Variants in LST1 observed in about 807,000 individuals in gnomAD.
LST1 encodes the protein leukocyte specific transcript 1.
Under a neutral mutation model 8.5 loss-of-function variants are expected in LST1, and 9 were observed. The observed-to-expected ratio is 1.06, with a 90% confidence interval of 0.64 to 1.85. The LOEUF (loss-of-function observed/expected upper bound fraction) is 1.85. Ranked by LOEUF, LST1 falls within the 40% of genes most tolerant of loss-of-function variation. The pLI, the probability that LST1 is intolerant of heterozygous loss-of-function variation, is 0.00. For missense variants in LST1, 121 were observed against 117.1 expected (o/e 1.03, Z -0.16); for synonymous variants, 53 against 50.4 (o/e 1.05, Z -0.21).
In LST1 at chr6:31,587,926, C is replaced by T; in HGVS notation, c.113-18C>T. The T allele has an allele frequency of 6.2e-7, 1 of 1,609,068 alleles. No homozygotes were observed. Among genetic ancestry groups the T allele is most frequent in the Non-Finnish European group, 8.5e-7 (1 of 1,177,920 alleles). On this transcript the variant is annotated intron_variant, in intron 3 of 4. Transcript: ENST00000438075. ...AGCACAAAGGGTGGGCTGTGTTGAG[C>T]TTCTTCTTTTCTTCCAGTAAAGAGG...
At position 31,587,957 on chromosome 6, in the gene LST1, G is replaced by A. The variant is rs751327924; in HGVS notation, c.126G>A (p.Glu42=). The A allele has an allele frequency of 2.7e-5, 43 of 1,610,358 alleles. No individual in the cohort carries two copies. The highest frequency in any genetic ancestry group is 3.6e-5 in the Non-Finnish European group (43 of 1,178,626). The change falls in exon 4 of 5, where the codon GAG becomes GAA. Residue 42 remains glutamate, a synonymous_variant. Coordinates refer to ENST00000438075, the MANE Select transcript of LST1 (RefSeq NM_205839.3). ...CWLHRRVKRL[E]RSWAQGSSEQ... is the part of the protein sequence containing the mutation. ...CTTTTCTTCCAGTAAAGAGGCTGGA[G>A]AGGAGCTGGGTGAGTCTGGGGACAG...
In LST1 at chr6:31,587,104, G is replaced by A. The variant is rs183600238; in HGVS notation, c.-100-96G>A. The A allele has an allele frequency of 3.0e-4, 191 of 629,196 alleles. 23 individuals carry two copies. The Admixed American group carries it at 4.8e-3, about 16-fold the overall frequency. 39.0% of individuals were successfully genotyped at this position (629,196 alleles called of 1,614,324 possible). On this transcript the variant is annotated intron_variant, in intron 1 of 4. Transcript: ENST00000438075. ...ATGATACCCTATGTTCTGGGGATTA[G>A]CAGTGAGGAATGGAAAGTGCCCAGC... is the stretch of plus-strand genomic sequence containing the variant.
chr6:31,586,756 GC>G, intron 1 of LST1: 1 of 154,992 alleles, frequency 6.5e-6, no homozygotes, highest in Non-Finnish European at 1.4e-5. Context: ...AGCCAAGGGG[GC>G]CCCCACACTC....
Position 31,588,269 on chromosome 6 carries a change from C to T in LST1, c.136-249C>T, listed in dbSNP as rs529870198. ...CTCCAGAACCAGGCACAGTGGCTCACGTCTGTCATTCCAGCTATCGCAAGG... is the reference window on the plus strand; with the variant it reads ...CTCCAGAACCAGGCACAGTGGCTCATGTCTGTCATTCCAGCTATCGCAAGG... On this transcript the variant is annotated intron_variant, in intron 4 of 4. Transcript: ENST00000438075. 9 of 601,790 alleles carry T rather than the reference C, an allele frequency of 1.5e-5. No homozygotes were observed. The Admixed American group carries it at 1.8e-4, about 12-fold the overall frequency. The allele number at this position is 601,790 out of a possible 1,614,324, so 37.3% of individuals were successfully genotyped here. A position where few individuals can be genotyped will look rare whatever the true frequency, so the allele number is the denominator to read the frequency against.
chr6:31,588,076 G>T, intron 4 of LST1, 110 bp downstream of exon 4: 1 of 1,118,204 alleles, frequency 8.9e-7, no homozygotes, highest in Non-Finnish European at 1.3e-6. Context: ...GACAAGGAGA[G>T]AGAAAGTAGG....
chr6:31,587,609 G>C (rs777361524), intron 2 of LST1, 32 bp from the exon 3 acceptor site: 48 of 1,365,248 alleles, frequency 3.5e-5, no homozygotes, highest in Non-Finnish European at 4.9e-5. Context: ...AGAAGGAATG[G>C]GCTTCCTAAC....
chr6:31,588,486 C>A (rs1247813642), intron 4 of LST1, 32 bp from the exon 5 acceptor site: 1 of 1,567,142 alleles, frequency 6.4e-7, no homozygotes, highest in Non-Finnish European at 8.7e-7. Flanking sequence ...GACGGCATCG[C>A]CTCCCATCAG....
intron 2 of LST1, 141 bp from the exon 3 acceptor site, chr6:31,587,500 G>C (rs1030179072): frequency 9.6e-6 from 8 of 833,256 alleles, no homozygotes; most frequent in Non-Finnish European, 1.6e-5. Context: ...ATTAAGGTCT[G>C]GGATGGAGAA....
In LST1 at chr6:31,588,607, A is replaced by G. The variant is rs754321457; in HGVS notation, c.225A>G (p.Arg75=). The G allele has an allele frequency of 1.2e-6, 2 of 1,613,140 alleles. No individual in the cohort carries two copies. The highest frequency in any genetic ancestry group is 1.1e-5 in the South Asian group (1 of 91,088). ...GTGAGGGACCTGACCTCAGGGGCAG[A>G]GACAAGAGAGGCACCAAGGAGGATC... The part of the protein sequence containing the change: ...PSSEGPDLRG[R]DKRGTKEDPR... The change falls in exon 5 of 5, where the codon AGA becomes AGG. Residue 75 remains arginine, a synonymous_variant. Transcript: ENST00000438075.
At chr6:31,588,374 AAG>A (rs9279359) in intron 4 of LST1, 142 bp from the exon 5 acceptor site, 25,961 of 588,184 alleles carry the variant, frequency 0.044, 86 homozygotes, top group African/African-American at 0.061. Context: ...CCAAAGAAAA[AAG>A]AGAGAGAGAG....
chr6:31,588,597 TC>T lies in LST1; in HGVS notation c.216del (p.Arg73GlyfsTer47). ...LPVPSSEGPD[L>X]RGRDKRGTKE... is the part of the protein sequence containing the mutation. ...GTGCCCAGCAGTGAGGGACCTGACC[TC>T]AGGGGCAGAGACAAGAGAGGCACCA... On this transcript the variant is annotated frameshift_variant, in exon 5 of 5. Transcript: ENST00000438075. LOFTEE classifies it low-confidence loss of function (END_TRUNC). The T allele has an allele frequency of 6.2e-7, 1 of 1,613,036 alleles. No individual in the cohort carries two copies. The highest frequency in any genetic ancestry group is 8.5e-7 in the Non-Finnish European group (1 of 1,180,012).
At chr6:31,587,767 AGTGCCCCCT>A (rs751223664) in intron 3 of LST1, 34 bp downstream of exon 3, 69 of 1,504,446 alleles carry the variant, frequency 4.6e-5, no homozygotes, top group Non-Finnish European at 5.5e-5. Context: ...CCCCTGCAGC[AGTGCCCCCT>A]GTGCCCCCAC....
chr6:31,586,353 G>A (rs980824809), intron 1 of LST1, 38 bp downstream of exon 1: 8 of 152,240 alleles, frequency 5.3e-5, no homozygotes, highest in African/African-American at 9.7e-5. Context: ...GTGGAAGGAT[G>A]GTCACACCCC....
chr6:31,586,454 A>G (rs1771941119), intron 1 of LST1, 139 bp downstream of exon 1: 1 of 152,130 alleles, frequency 6.6e-6, no homozygotes. Flanking sequence ...CTGCTCCCCA[A>G]AGAAATTAAA....
intron 3 of LST1, 38 bp downstream of exon 3, chr6:31,587,771 C>T: frequency 2.0e-6 from 3 of 1,475,682 alleles, no homozygotes; most frequent in Non-Finnish European, 2.8e-6. Flanking sequence ...TGCAGCAGTG[C>T]CCCCTGTGCC....
chr6:31,588,393 AGAGAGAGAGG>A (rs1772225678), intron 4 of LST1, 115 bp from the exon 5 acceptor site: 1 of 941,294 alleles, frequency 1.1e-6, no homozygotes, highest in Non-Finnish European at 1.6e-6. Flanking sequence ...AGAGAGAGAG[AGAGAGAGAGG>A]GAGAGAGAGA....
At chr6:31,588,403 G>GAGA (rs1562499302) in intron 4 of LST1, 115 bp from the exon 5 acceptor site, 39 of 541,526 alleles carry the variant, frequency 7.2e-5, no homozygotes, top group Middle Eastern at 5.6e-4. Flanking sequence ...AGAGAGAGAG[G>GAGA]GAGAGAGAGA....
At chr6:31,588,403 G>GAGAGAGAGAGAGAGAGAGAGA in intron 4 of LST1, 115 bp from the exon 5 acceptor site, 1 of 539,868 alleles carries the variant, frequency 1.9e-6, no homozygotes, top group Non-Finnish European at 3.0e-6. Flanking sequence ...AGAGAGAGAG[G>GAGAGAGAGAGAGAGAGAGAGA]GAGAGAGAGA....
intron 4 of LST1, 45 bp downstream of exon 4, chr6:31,588,011 G>A (rs773307247): frequency 2.6e-5 from 41 of 1,566,442 alleles, no homozygotes; most frequent in Non-Finnish European, 3.5e-5. Context: ...GAGATCCTGA[G>A]TGGGTGAGTG....
Sources: allele counts gnomAD v4.1 joint callset, GRCh38; gene constraint gnomAD v4.1.1; transcripts MANE v1.5; gene names NCBI Gene and HGNC (gene_info 2026-07-23, HGNC 2026-07-21).